SLC26A5: variants seen among roughly 807,000 people sequenced by gnomAD.
The protein encoded by SLC26A5 is prestin.
SLC26A5 carries 51 observed loss-of-function variants against 81.0 expected under a neutral mutation model. The observed-to-expected ratio is 0.63, with a 90% CI of 0.50 to 0.80. SLC26A5 has a LOEUF of 0.80. Ranked by LOEUF, SLC26A5 falls within the 30% of genes least tolerant of loss-of-function variation. SLC26A5 has a pLI of 0.00. For missense variants in SLC26A5, 771 were observed against 905.8 expected, an observed-to-expected ratio of 0.85 and a Z score of 1.91; for synonymous variants, 325 against 332.8, an observed-to-expected ratio of 0.98 and a Z score of 0.25.
chr7:103,379,283 T>G lies in SLC26A5; in HGVS notation c.1637A>C (p.Tyr546Ser), dbSNP rs773369961. ...KIFQINAPIY[Y>S]ANSDLYSNAL... ...ATTGCTATACAAGTCGCTATTTGCA[T>G]AGTAAATTGGTGCATTTATTTGAAA... is the stretch of plus-strand genomic sequence containing the variant. The change falls in exon 16 of 20, where the codon TAT becomes TCT. Residue 546 changes from tyrosine to serine, a missense_variant. Transcript: ENST00000306312. 1 of 1,611,614 alleles carries G rather than the reference T, an allele frequency of 6.2e-7. No homozygotes were observed. Among genetic ancestry groups the G allele is most frequent in the African/African-American group, 1.3e-5 (1 of 74,828 alleles).
In SLC26A5 at chr7:103,377,390, C is replaced by T. The variant is rs1821429488; in HGVS notation, c.1986+209G>A. ...TCAGCTATAAAGGAAACCAGATTGA[C>T]CATAAATTGATCATTGTTGAAGCTG... On this transcript the variant is annotated intron_variant, in intron 18 of 19. Coordinates refer to ENST00000306312, the MANE Select transcript of SLC26A5 (RefSeq NM_198999.3). Among the ~76,000 whole-genome samples, 8 of 152,188 alleles carry T rather than the reference C, an allele frequency of 5.3e-5. 1 individual carries two copies. The Middle Eastern group carries it at 0.021, about 391-fold the overall frequency.
chr7:103,374,620 C>T (rs2116323666), intron 19 of SLC26A5, 28 bp from the exon 20 acceptor site: 2 of 1,607,746 alleles, frequency 1.2e-6, no homozygotes, highest in South Asian at 1.1e-5. Context: ...GAAAATTAGT[C>T]CACACTCTGG....
rs751581332 is a variant in SLC26A5 at position 103,389,308 on chromosome 7, G to A, written c.1407+21C>T. On this transcript the variant is annotated intron_variant, in intron 13 of 19. Coordinates refer to ENST00000306312, the MANE Select transcript of SLC26A5 (RefSeq NM_198999.3). ...ATCTGCTCTATGACATATTAACAGA[G>A]CCATCACCTTTGTTACTTACCAGCT... 7 of 1,528,378 alleles carry A rather than the reference G, an allele frequency of 4.6e-6. No individual in the cohort carries two copies. The African/African-American group carries it at 8.2e-5, about 18-fold the overall frequency. 94.7% of individuals were successfully genotyped at this position (1,528,378 alleles called of 1,614,324 possible). A position where few individuals can be genotyped will look rare whatever the true frequency, so the allele number is the denominator to read the frequency against.
chr7:103,369,895 C>A (rs975145838), downstream of SLC26A5, among the ~76,000 whole-genome samples: 50 of 152,134 alleles, frequency 3.3e-4, no homozygotes, highest in African/African-American at 1.1e-3. Context: ...TTATCTGTTA[C>A]GTAAAGTGAA....
At chr7:103,379,006 G>C (rs913239621) in intron 16 of SLC26A5, among the ~76,000 whole-genome samples, 4 of 152,120 alleles carry the variant, frequency 2.6e-5, no homozygotes, top group African/African-American at 9.7e-5. Flanking sequence ...TACGATAAGA[G>C]AGAATGAACA....
chr7:103,390,570 T>G lies in SLC26A5; in HGVS notation c.1234-64A>C, dbSNP rs1047338191. The G allele has an allele frequency of 3.1e-5, 43 of 1,371,184 alleles. No homozygotes were observed. The South Asian group carries it at 4.3e-4, about 14-fold the overall frequency. The allele number at this position is 1,371,184 out of a possible 1,614,324, so 84.9% of individuals were successfully genotyped here. A position where few individuals can be genotyped will look rare whatever the true frequency, so the allele number is the denominator to read the frequency against. ...ACTTGAATAAGAGGCAGGGCATAAG[T>G]TGGTTTTATTCTTTTGATAATTACT... On this transcript the variant is annotated intron_variant, in intron 11 of 19. Transcript: ENST00000306312.
chr7:103,361,760 AT>A (rs1429795219), intron 19 of SLC26A5, among the ~76,000 whole-genome samples: 1 of 152,198 alleles, frequency 6.6e-6, no homozygotes, highest in Non-Finnish European at 1.5e-5. Flanking sequence ...AGGAGAATGT[AT>A]TTGAAAATTT....
intron 14 of SLC26A5, among the ~76,000 whole-genome samples, chr7:103,381,696 T>C (rs560799823): frequency 1.4e-5 from 2 of 147,274 alleles, no homozygotes; most frequent in South Asian, 4.3e-4. Flanking sequence ...GACACATGCA[T>C]ACATACCCCC....
exon 20 of SLC26A5, chr7:103,352,770 A>T: frequency 1.3e-6 from 1 of 752,476 alleles, no homozygotes; most frequent in Non-Finnish European, 2.5e-6. Flanking sequence ...GAGAAAACAA[A>T]GTTCAGAAGT....
intron 2 of SLC26A5, among the ~76,000 whole-genome samples, chr7:103,437,501 AT>A (rs1243173789): frequency 6.6e-6 from 1 of 152,246 alleles, no homozygotes; most frequent in Non-Finnish European, 1.5e-5. Flanking sequence ...TTACAGCATT[AT>A]TCACAATAGC....
In SLC26A5 at chr7:103,398,012, G is replaced by C. The variant is rs745847089; in HGVS notation, c.891C>G (p.Val297=). The C allele has an allele frequency of 1.2e-6, 2 of 1,613,024 alleles. No individual in the cohort carries two copies. The highest frequency in any genetic ancestry group is 1.7e-6 in the Non-Finnish European group (2 of 1,179,278). The change falls in exon 9 of 20, where the codon GTC becomes GTG. Residue 297 remains valine (V), a splice_region_variant and synonymous_variant. Transcript: ENST00000306312. ...PAPIPLEFFA[V]VMGTGISAGF... ...CAGCTGAAATGCCAGTTCCCATTAC[G>C]ACCTAAAAAGACACAAATCCAAATG...
chr7:103,373,457 C>T (rs1821140168), downstream of SLC26A5, among the ~76,000 whole-genome samples: 1 of 152,102 alleles, frequency 6.6e-6, no homozygotes, highest in South Asian at 2.1e-4. Context: ...ACAAGTTAAA[C>T]AACACCATGA....
rs533888796 is a variant in SLC26A5, at chr7:103,423,461, C to T, written c.-53-1894G>A. Among the ~76,000 whole-genome samples the T allele has an allele frequency of 1.1e-3, 168 of 152,308 alleles. 1 individual carries two copies. Among genetic ancestry groups the T allele is most frequent in the African/African-American group, 4.0e-3 (166 of 41,564 alleles). ...TGTTATGGTTTGACTGTTTTTGTCTCTTTCAAAATTCAAGTTGAAACTTAA... is the reference window on the plus strand; with the variant it reads ...TGTTATGGTTTGACTGTTTTTGTCTTTTTCAAAATTCAAGTTGAAACTTAA... On this transcript the variant is annotated intron_variant, in intron 2 of 19. Transcript: ENST00000306312.
In SLC26A5 at chr7:103,376,817, C is replaced by T. The variant is rs754303636; in HGVS notation, c.2032G>A (p.Gly678Arg). ...GDVGIYVYLA[G>R]CSAQVVNDLT... ...TTAGAGGTATACTCACCACTGCATC[C>T]TGCTAAGTATACATATATACCGACG... Residue 678 changes from glycine (G) to arginine (R), a missense_variant, in exon 19 of 20, where the codon GGA becomes AGA. Coordinates refer to ENST00000306312, the MANE Select transcript of SLC26A5 (RefSeq NM_198999.3). The T allele has an allele frequency of 1.2e-6, 2 of 1,603,258 alleles. No homozygotes were observed. The highest frequency in any genetic ancestry group is 1.1e-5 in the South Asian group (1 of 90,678).
At chr7:103,440,481 T>C (rs1354848343) in intron 2 of SLC26A5, among the ~76,000 whole-genome samples, 1 of 152,254 alleles carries the variant, frequency 6.6e-6, no homozygotes, top group Non-Finnish European at 1.5e-5. Flanking sequence ...CCATTGAGTT[T>C]AGTAATAATT....
chr7:103,369,373 TA>T (rs1820894336), downstream of SLC26A5: 1 of 152,232 alleles, frequency 6.6e-6, no homozygotes, highest in Non-Finnish European at 1.5e-5. Flanking sequence ...TTTGATTAAA[TA>T]AATGTACACA....
intron 8 of SLC26A5, among the ~76,000 whole-genome samples, chr7:103,399,453 A>G (rs1359812608): frequency 1.3e-5 from 2 of 151,858 alleles, no homozygotes; most frequent in Non-Finnish European, 2.9e-5. Flanking sequence ...TGTAGACAAG[A>G]CTGAGGAAAA....
At chr7:103,381,157 G>A (rs1021269522) in intron 14 of SLC26A5, among the ~76,000 whole-genome samples, 12 of 147,386 alleles carry the variant, frequency 8.1e-5, no homozygotes, top group African/African-American at 3.0e-4. Context: ...TACACACCAT[G>A]CACATACATA....
intron 7 of SLC26A5, among the ~76,000 whole-genome samples, 196 bp from the exon 8 acceptor site, chr7:103,408,199 T>C (rs1236330780): frequency 2.6e-5 from 4 of 152,170 alleles, no homozygotes; most frequent in African/African-American, 9.6e-5. Flanking sequence ...TTATAGTTGT[T>C]ACTCTTTTCT....
Sources: allele counts gnomAD v4.1 joint callset (sites outside exome capture counted in the v4.1 genomes callset), GRCh38; gene constraint gnomAD v4.1.1; transcripts MANE v1.5; gene names NCBI Gene and HGNC (gene_info 2026-07-23, HGNC 2026-07-21).